The following ABL1 variants were observed in gnomAD, a reference collection of about 807,000 sequenced individuals.
ABL1 encodes the protein tyrosine-protein kinase ABL1.
A neutral mutation model predicts 94.7 loss-of-function variants in ABL1; 11 were observed. That is an observed-to-expected ratio of 0.12 (90% confidence interval 0.07 to 0.19). The LOEUF (loss-of-function observed/expected upper bound fraction) is 0.19. ABL1 is among the 10% of genes least tolerant of loss of function. The pLI is 1.00. For synonymous variants in ABL1, 656 were observed against 622.4 expected (o/e 1.05, Z -0.80); for missense variants, 1,082 against 1,489.4 (o/e 0.73, Z 4.50).
chr9:130,816,990 G>A (rs1830296026), intron 1 of ABL1, among the ~76,000 whole-genome samples: 1 of 152,228 alleles, frequency 6.6e-6, no homozygotes, highest in African/African-American at 2.4e-5. Context: ...ACAGGCGTGA[G>A]CCACCGCCTG....
chr9:130,783,006 G>A (rs559068053), intron 1 of ABL1, among the ~76,000 whole-genome samples: 1 of 152,260 alleles, frequency 6.6e-6, no homozygotes, highest in Non-Finnish European at 1.5e-5. Flanking sequence ...ACTCACGATA[G>A]CCAAGAACAA....
intron 3 of ABL1, among the ~76,000 whole-genome samples, chr9:130,857,204 G>A (rs1830988358): frequency 6.6e-6 from 1 of 152,206 alleles, no homozygotes; most frequent in Admixed American, 6.5e-5. Context: ...GTGGGTGTAA[G>A]TGTGTGCAGA....
intron 1 of ABL1, among the ~76,000 whole-genome samples, chr9:130,715,799 TC>T (rs776259606): frequency 5.9e-5 from 9 of 152,284 alleles, no homozygotes; most frequent in Non-Finnish European, 1.2e-4. Context: ...GCAGTGTAGT[TC>T]CCTGTGTGTC....
upstream of ABL1, among the ~76,000 whole-genome samples, chr9:130,833,347 G>GT (rs2132903191): frequency 6.6e-6 from 1 of 152,316 alleles, no homozygotes; most frequent in South Asian, 2.1e-4. Flanking sequence ...GACAGATACT[G>GT]TATTTTTTCA....
At chr9:130,792,968 C>A (rs916055048) in intron 1 of ABL1, among the ~76,000 whole-genome samples, 5 of 152,206 alleles carry the variant, frequency 3.3e-5, no homozygotes, top group Non-Finnish European at 7.3e-5. Flanking sequence ...TATTGTCACC[C>A]AGGCTGGAGT....
In ABL1 at chr9:130,814,291, AAAAAGAAAG is replaced by A. The variant is rs1359202309; in HGVS notation, c.137-39769_137-39761del. 2.6e-5 allele frequency among the ~76,000 whole-genome samples: 4 copies of A among 152,078 alleles called. No individual in the cohort carries two copies. The highest frequency in any genetic ancestry group is 9.7e-5 in the African/African-American group (4 of 41,386). On this transcript the variant is annotated intron_variant, in intron 1 of 10. Coordinates refer to the ABL1 transcript ENST00000372348. This position sits in a 1 kb window ranked among gnomAD's most constrained non-coding sequence, Gnocchi z 4.4. ...ACAGAACGAGACTCCGTCTCAAAAA[AAAAAGAAAG>A]AAAGAAAGAAAAAGAAAAGGCCAGT...
intron 1 of ABL1, among the ~76,000 whole-genome samples, chr9:130,727,525 G>C (rs1481931146): frequency 6.6e-6 from 1 of 152,158 alleles, no homozygotes; most frequent in Non-Finnish European, 1.5e-5. Flanking sequence ...CAATTTGGGA[G>C]GCTGAGGTGG....
At chr9:130,774,942 C>T (rs1338388032) in intron 1 of ABL1, among the ~76,000 whole-genome samples, 1 of 152,110 alleles carries the variant, frequency 6.6e-6, no homozygotes, top group Non-Finnish European at 1.5e-5. Context: ...AGAAACTTGT[C>T]TGATTTGGTC....
intron 1 of ABL1, among the ~76,000 whole-genome samples, chr9:130,782,390 AAGAT>A (rs1419547517): frequency 3.3e-5 from 5 of 152,174 alleles, no homozygotes; most frequent in Non-Finnish European, 7.3e-5. Flanking sequence ...CATTTTGAAA[AAGAT>A]AGGCTGTGAC....
At chr9:130,751,853 C>T (rs1321465690) in intron 1 of ABL1, among the ~76,000 whole-genome samples, 2 of 152,234 alleles carry the variant, frequency 1.3e-5, no homozygotes, top group Non-Finnish European at 2.9e-5. Flanking sequence ...CTTTCCAAAT[C>T]TCATGTAATT....
intron 1 of ABL1, among the ~76,000 whole-genome samples, chr9:130,766,872 A>C (rs1377165790): frequency 1.3e-5 from 2 of 152,094 alleles, no homozygotes; most frequent in Non-Finnish European, 2.9e-5. Context: ...TTAGAAACTT[A>C]CATCAGATCT....
chr9:130,745,529 C>T (rs939806800), intron 1 of ABL1, among the ~76,000 whole-genome samples: 6 of 151,526 alleles, frequency 4.0e-5, no homozygotes, highest in Non-Finnish European at 5.9e-5. Context: ...CCTGGTCTCT[C>T]TCTCCCTCTC....
intron 1 of ABL1, among the ~76,000 whole-genome samples, chr9:130,849,788 A>G (rs925990316): frequency 3.9e-5 from 6 of 152,304 alleles, no homozygotes; most frequent in East Asian, 1.9e-4. Context: ...AAGTGGTGGG[A>G]TTACAGGTGT....
At chr9:130,804,585 G>A (rs1193465439) in intron 1 of ABL1, among the ~76,000 whole-genome samples, 3 of 151,918 alleles carry the variant, frequency 2.0e-5, no homozygotes, top group South Asian at 4.2e-4. Flanking sequence ...ACTCCGTCTC[G>A]AAAAGAAAAA....
At chr9:130,803,516 G>A (rs749128378) in intron 1 of ABL1, among the ~76,000 whole-genome samples, 1 of 152,176 alleles carries the variant, frequency 6.6e-6, no homozygotes, top group Non-Finnish European at 1.5e-5. Context: ...AAATAAAATG[G>A]TTATAGAGAT....
intron 1 of ABL1, among the ~76,000 whole-genome samples, chr9:130,782,561 G>T (rs2132787440): frequency 6.6e-6 from 1 of 152,274 alleles, no homozygotes; most frequent in Non-Finnish European, 1.5e-5. Context: ...CATTAACCGT[G>T]TTACCCCTCT....
rs1008151980 is a variant in ABL1, at chr9:130,876,862, G to A, written c.1271-1553G>A. 7.8e-5 allele frequency among the ~76,000 whole-genome samples: 11 copies of A among 141,832 alleles called. 3 individuals carry two copies. The highest frequency in any genetic ancestry group is 3.0e-4 in the African/African-American group (11 of 36,288). 93.0% of individuals were successfully genotyped at this position (141,832 alleles called of 152,430 possible). A position where few individuals can be genotyped will look rare whatever the true frequency, so the allele number is the denominator to read the frequency against. On this transcript the variant is annotated intron_variant, in intron 7 of 10. Transcript: ENST00000318560. ...CGTCATTCTCCTGCCTCAGCCTCCC[G>A]AGTAGCTGAGACTATAGGCGCCCGC...
exon 1 of ABL1, chr9:130,714,121 C>G: frequency 2.3e-6 from 1 of 432,312 alleles, no homozygotes; most frequent in African/African-American, 2.0e-5. Context: ...ATAATTGGAA[C>G]TCCTGCTTGC....
Position 130,880,765 on chromosome 9 carries a change from C to T in ABL1, c.1678+101C>T. 1 of 1,374,058 alleles carries T rather than the reference C, an allele frequency of 7.3e-7. No individual in the cohort carries two copies. Among genetic ancestry groups the T allele is most frequent in the Non-Finnish European group, 9.8e-7 (1 of 1,021,272 alleles). 85.1% of individuals were successfully genotyped at this position (1,374,058 alleles called of 1,614,324 possible). A position where few individuals can be genotyped will look rare whatever the true frequency, so the allele number is the denominator to read the frequency against. On this transcript the variant is annotated intron_variant, in intron 10 of 10. Coordinates refer to ENST00000318560, the MANE Select transcript of ABL1 (RefSeq NM_005157.6). This position sits in a 1 kb window ranked among gnomAD's most constrained non-coding sequence, Gnocchi z 4.4. ...AACGGGAAGCTGTGAATGGAGCCCG[C>T]ACAGAAGGGCAGCCATGGCCTTTGT...
Sources: gnomAD v4.1 joint callset for allele counts (sites outside exome capture counted in the v4.1 genomes callset) on GRCh38, gnomAD v4.1.1 for gene constraint, Gnocchi (gnomAD v3.1) non-coding constraint, MANE v1.5 for transcripts, NCBI Gene and HGNC (gene_info 2026-07-23, HGNC 2026-07-21) for gene names.